Variants in TMEM178B observed in about 807,000 individuals in gnomAD.
The protein encoded by TMEM178B is transmembrane protein 178B.
TMEM178B carries 5 observed loss-of-function variants against 31.0 expected under a neutral mutation model. The ratio of observed to expected loss-of-function variants is 0.16; its 90% confidence interval spans 0.08 to 0.34. The LOEUF (loss-of-function observed/expected upper bound fraction) is 0.34. TMEM178B is among the 10% of genes least tolerant of loss of function. The probability of loss-of-function intolerance (pLI) is 1.00; values close to 1 mark genes in which losing one functional copy is unlikely to be tolerated. For missense variants in TMEM178B, 275 were observed against 400.3 expected (o/e 0.69, Z 2.67); for synonymous variants, 164 against 164.0 (o/e 1.00, Z 0.00).
At chr7:141,386,223 T>C (rs1287304690) in intron 2 of TMEM178B, among the ~76,000 whole-genome samples, 1 of 152,192 alleles carries the variant, frequency 6.6e-6, no homozygotes, top group Non-Finnish European at 1.5e-5. Context: ...CTTCAGCTCC[T>C]TTCTCTCCTG....
At chr7:141,428,687 C>A (rs982975677) in intron 2 of TMEM178B, among the ~76,000 whole-genome samples, 1 of 152,106 alleles carries the variant, frequency 6.6e-6, no homozygotes, top group African/African-American at 2.4e-5. Flanking sequence ...GAAATGGAAA[C>A]CCTGGAACCA....
the TMEM178B span, among the ~76,000 whole-genome samples, chr7:141,497,216 A>T: frequency 6.6e-6 from 1 of 152,174 alleles, no homozygotes; most frequent in Non-Finnish European, 1.5e-5. Flanking sequence ...CAGGCAGGGG[A>T]TCTTTACCTT....
At chr7:141,382,854 C>A (rs1391934610) in intron 2 of TMEM178B, among the ~76,000 whole-genome samples, 6 of 152,186 alleles carry the variant, frequency 3.9e-5, no homozygotes, top group African/African-American at 1.4e-4. Flanking sequence ...AAGGGGTGTT[C>A]CTTTATATCT....
chr7:141,141,604 T>C (rs1795769083), intron 1 of TMEM178B, among the ~76,000 whole-genome samples: 1 of 152,224 alleles, frequency 6.6e-6, no homozygotes, highest in Admixed American at 6.5e-5. Context: ...GGTGCTATGT[T>C]TCACCCACAG....
intron 1 of TMEM178B, among the ~76,000 whole-genome samples, chr7:141,194,401 A>G (rs1451704329): frequency 6.6e-6 from 1 of 152,214 alleles, no homozygotes; most frequent in Non-Finnish European, 1.5e-5. Flanking sequence ...ATTGGCCAAA[A>G]CAAGGGCTAC....
intron 2 of TMEM178B, among the ~76,000 whole-genome samples, chr7:141,268,396 G>A (rs967032842): frequency 4.6e-5 from 7 of 152,206 alleles, no homozygotes. Flanking sequence ...TTTAAGAAGG[G>A]TTGAGACAAT....
rs2116737636 is a variant in TMEM178B at position 141,475,619 on chromosome 7, G to C, written c.*4833G>C. The C allele has an allele frequency of 6.6e-6, 1 of 152,300 alleles. No individual in the cohort carries two copies. Among genetic ancestry groups the C allele is most frequent in the Admixed American group, 6.5e-5 (1 of 15,298 alleles). 9.4% of individuals were successfully genotyped at this position (152,300 alleles called of 1,614,324 possible). ...GTACACCACAGAACCGCACTGGTCT[G>C]CGTTGAGTTGACCCTGTGTTCCTGG... is the stretch of plus-strand genomic sequence containing the variant. On this transcript the variant is annotated 3_prime_UTR_variant, in exon 4 of 4. Coordinates refer to ENST00000565468, the MANE Select transcript of TMEM178B (RefSeq NM_001195278.2).
chr7:141,436,040 G>T (rs1042496907), intron 2 of TMEM178B, among the ~76,000 whole-genome samples: 1 of 152,130 alleles, frequency 6.6e-6, no homozygotes. Flanking sequence ...CTGGCCGGGG[G>T]CTGTCAGTGT....
intron 2 of TMEM178B, among the ~76,000 whole-genome samples, chr7:141,381,952 G>C (rs7811466): frequency 6.6e-6 from 1 of 151,964 alleles, no homozygotes; most frequent in Non-Finnish European, 1.5e-5. Context: ...ATCAGATACC[G>C]TCTGCTATCT....
intron 1 of TMEM178B, among the ~76,000 whole-genome samples, chr7:141,118,061 A>T (rs912727694): frequency 1.3e-5 from 2 of 152,168 alleles, no homozygotes; most frequent in Non-Finnish European, 2.9e-5. Flanking sequence ...ATTTTGGGAA[A>T]TTATTGTGTT....
chr7:141,077,720 C>T (rs1378275647), intron 1 of TMEM178B, among the ~76,000 whole-genome samples: 1 of 152,196 alleles, frequency 6.6e-6, no homozygotes, highest in African/African-American at 2.4e-5. Flanking sequence ...ATTAGGTTCA[C>T]AGAAATGTAT....
At chr7:141,497,860 G>T in the TMEM178B span, among the ~76,000 whole-genome samples, 4 of 152,206 alleles carry the variant, frequency 2.6e-5, no homozygotes, top group Non-Finnish European at 1.5e-5. Flanking sequence ...AGAAATAAAG[G>T]CTGACGGAGC....
intron 2 of TMEM178B, among the ~76,000 whole-genome samples, chr7:141,222,685 C>G (rs1797275338): frequency 6.6e-6 from 1 of 152,090 alleles, no homozygotes; most frequent in Non-Finnish European, 1.5e-5. Flanking sequence ...TCTGTGCAAC[C>G]TGTGCAGGTG....
rs184822698 is a variant in TMEM178B at position 141,156,537 on chromosome 7, A to T, written c.383-56054A>T. ...GTACAAAAGATGGACACCTTGAAAG[A>T]TGATGGGGTTAATGGATTCAGCTCT... On this transcript the variant is annotated intron_variant, in intron 1 of 3. Coordinates refer to ENST00000565468, the MANE Select transcript of TMEM178B (RefSeq NM_001195278.2). Among the ~76,000 whole-genome samples, 709 of 152,352 alleles carry T rather than the reference A, an allele frequency of 4.7e-3. 2 individuals carry two copies. Among genetic ancestry groups the T allele is most frequent in the Admixed American group, 8.0e-3 (123 of 15,306 alleles).
chr7:141,141,793 G>GT (rs1305837684), intron 1 of TMEM178B, among the ~76,000 whole-genome samples: 6 of 152,048 alleles, frequency 3.9e-5, no homozygotes, highest in Non-Finnish European at 8.8e-5. Context: ...AGTGCATAAA[G>GT]TATTAAAGAA....
intron 2 of TMEM178B, among the ~76,000 whole-genome samples, chr7:141,363,123 T>C (rs1799945599): frequency 6.6e-6 from 1 of 152,106 alleles, no homozygotes; most frequent in African/African-American, 2.4e-5. Flanking sequence ...CCAAGGGCCC[T>C]AACACCAAAT....
chr7:141,335,396 C>T (rs75819428), intron 2 of TMEM178B, among the ~76,000 whole-genome samples: 3,829 of 152,242 alleles, frequency 0.025, 59 homozygotes, highest in Middle Eastern at 0.054. Context: ...TCCCAGAGGG[C>T]GCTCTGGAAA....
In TMEM178B at chr7:141,383,318, A is replaced by G. The variant is rs564912829; in HGVS notation, c.497-54290A>G. Among the ~76,000 whole-genome samples the G allele has an allele frequency of 4.8e-3, 724 of 151,240 alleles. 4 individuals are homozygous for G. Among genetic ancestry groups the G allele is most frequent in the South Asian group, 0.025 (119 of 4,702 alleles). ...TGTGCCATGTTGGTGTGCTGCACCC[A>G]TTAACTCGTCATTTACATTAGGTGT... On this transcript the variant is annotated intron_variant, in intron 2 of 3. Coordinates refer to ENST00000565468, the MANE Select transcript of TMEM178B (RefSeq NM_001195278.2).
intron 1 of TMEM178B, among the ~76,000 whole-genome samples, chr7:141,170,849 G>T (rs1345474048): frequency 6.6e-6 from 1 of 152,120 alleles, no homozygotes; most frequent in Non-Finnish European, 1.5e-5. Flanking sequence ...CTTCCCAGCC[G>T]CACTATCACA....
Sources: gnomAD v4.1 joint callset for allele counts (sites outside exome capture counted in the v4.1 genomes callset) on GRCh38, gnomAD v4.1.1 for gene constraint, MANE v1.5 for transcripts, NCBI Gene and HGNC (gene_info 2026-07-23, HGNC 2026-07-21) for gene names.